The following GRM1 variants were observed in gnomAD, a reference collection of about 807,000 sequenced individuals.
GRM1 encodes glutamate metabotropic receptor 1, also known as metabotropic glutamate receptor 1.
A neutral mutation model predicts 90.9 loss-of-function variants in GRM1; 33 were observed. The ratio of observed to expected loss-of-function variants is 0.36; its 90% CI spans 0.28 to 0.49. GRM1 has a LOEUF of 0.49. Ranked by LOEUF, GRM1 falls within the 20% of genes least tolerant of loss-of-function variation. GRM1 has a pLI of 0.99. For synonymous variants in GRM1, 700 were observed against 613.2 expected, an observed-to-expected ratio of 1.14 and a Z score of -2.09; for missense variants, 1,190 against 1,534.3, an observed-to-expected ratio of 0.78 and a Z score of 3.75.
intron 1 of GRM1, among the ~76,000 whole-genome samples, chr6:146,152,887 A>C (rs182617195): frequency 6.6e-6 from 1 of 152,316 alleles, no homozygotes; most frequent in Non-Finnish European, 1.5e-5. Flanking sequence ...GTTTTATTAT[A>C]GGTCACTTTT....
chr6:146,411,398 A>C (rs1272110332), intron 7 of GRM1, among the ~76,000 whole-genome samples: 1 of 151,980 alleles, frequency 6.6e-6, no homozygotes, highest in African/African-American at 2.4e-5. Flanking sequence ...AGGAAGTAAG[A>C]AGGAAAACAG....
At chr6:146,401,425 G>A (rs1777155256) in intron 7 of GRM1, among the ~76,000 whole-genome samples, 1 of 151,814 alleles carries the variant, frequency 6.6e-6, no homozygotes, top group Non-Finnish European at 1.5e-5. Context: ...GCCACGAAAT[G>A]GGAAAAAATA....
chr6:146,213,729 T>C (rs73783643), intron 2 of GRM1, among the ~76,000 whole-genome samples: 1 of 151,798 alleles, frequency 6.6e-6, no homozygotes, highest in Admixed American at 6.6e-5. Flanking sequence ...GATAGATAGA[T>C]AGATAGATGG....
At chr6:146,032,810 C>A (rs949913682) in intron 1 of GRM1, among the ~76,000 whole-genome samples, 1 of 152,096 alleles carries the variant, frequency 6.6e-6, no homozygotes, top group African/African-American at 2.4e-5. Flanking sequence ...TAGTTAATAC[C>A]AAAAGCACTA....
At chr6:146,338,706 C>T (rs973410600) in intron 3 of GRM1, among the ~76,000 whole-genome samples, 5 of 152,156 alleles carry the variant, frequency 3.3e-5, no homozygotes, top group African/African-American at 9.7e-5. Context: ...TGTTATTATT[C>T]CCTGGCTTCC....
At chr6:146,428,741 C>G (rs1282936685) in intron 7 of GRM1, among the ~76,000 whole-genome samples, 1 of 152,042 alleles carries the variant, frequency 6.6e-6, no homozygotes, top group Admixed American at 6.6e-5. Flanking sequence ...CTTAAATAGA[C>G]TTTGGTAGGA....
chr6:146,380,317 C>A (rs576447929), intron 5 of GRM1, among the ~76,000 whole-genome samples: 2 of 151,856 alleles, frequency 1.3e-5, no homozygotes, highest in Admixed American at 1.3e-4. Context: ...GCACTCAAAC[C>A]ACAAGATGCA....
intron 1 of GRM1, among the ~76,000 whole-genome samples, chr6:146,097,195 C>T (rs1000405784): frequency 6.6e-6 from 1 of 151,984 alleles, no homozygotes; most frequent in Non-Finnish European, 1.5e-5. Context: ...GGGGGGTTTC[C>T]AAAGTAAATT....
rs1379161781 is a variant in GRM1 at position 146,294,042 on chromosome 6, GT to G, written c.951-10565del. ...TCAGAGGATTGAATATTTCATTAAT[GT>G]TTTCTAAGAACCAAGTTTTAGGTTG... On this transcript the variant is annotated intron_variant, in intron 2 of 7. Coordinates refer to ENST00000282753, the MANE Select transcript of GRM1 (RefSeq NM_001278064.2). Among the ~76,000 whole-genome samples the G allele has an allele frequency of 1.7e-4, 26 of 151,488 alleles. 1 individual carries two copies. The highest frequency in any genetic ancestry group is 1.7e-3 in the Admixed American group (26 of 15,224).
intron 1 of GRM1, among the ~76,000 whole-genome samples, chr6:146,045,847 A>T (rs1431125101): frequency 1.3e-5 from 2 of 150,540 alleles, no homozygotes; most frequent in Non-Finnish European, 3.0e-5. Context: ...CTTTTTAATC[A>T]TTGAAGGAAA....
chr6:146,116,385 G>C (rs1275999880), intron 1 of GRM1, among the ~76,000 whole-genome samples: 1 of 152,092 alleles, frequency 6.6e-6, no homozygotes, highest in African/African-American at 2.4e-5. Flanking sequence ...TCAGTAAACA[G>C]TTACAACACT....
At chr6:146,059,947 TG>T (rs2128853225) in intron 1 of GRM1, among the ~76,000 whole-genome samples, 1 of 152,304 alleles carries the variant, frequency 6.6e-6, no homozygotes, top group African/African-American at 2.4e-5. Context: ...ATGTTGTGAA[TG>T]GTTTGATCCT....
chr6:146,043,313 C>A (rs2128842571), intron 1 of GRM1, among the ~76,000 whole-genome samples: 1 of 151,878 alleles, frequency 6.6e-6, no homozygotes, highest in Middle Eastern at 3.4e-3. Context: ...AATTAGGTTT[C>A]CAGAATATTA....
At chr6:146,290,243 C>G (rs1280049173) in intron 2 of GRM1, among the ~76,000 whole-genome samples, 1 of 151,962 alleles carries the variant, frequency 6.6e-6, no homozygotes, top group African/African-American at 2.4e-5. Context: ...CCAGAGAAAC[C>G]AAAAATAGAG....
chr6:146,310,282 C>A (rs1277284831), intron 3 of GRM1, among the ~76,000 whole-genome samples: 2 of 152,172 alleles, frequency 1.3e-5, no homozygotes, highest in African/African-American at 4.8e-5. Flanking sequence ...ATTTTATGGA[C>A]TCCACTTGGA....
intron 1 of GRM1, among the ~76,000 whole-genome samples, chr6:146,069,183 C>T (rs1254634657): frequency 6.6e-6 from 1 of 152,122 alleles, no homozygotes; most frequent in African/African-American, 2.4e-5. Flanking sequence ...CATTCTATTG[C>T]TTTTTATGTT....
At chr6:146,152,610 A>C (rs1238413461) in intron 1 of GRM1, among the ~76,000 whole-genome samples, 1 of 152,028 alleles carries the variant, frequency 6.6e-6, no homozygotes, top group Non-Finnish European at 1.5e-5. Context: ...CTCACTTGTA[A>C]AAGAGGGGTT....
Position 146,352,036 on chromosome 6 carries a change from T to A in GRM1, c.1187-214T>A, listed in dbSNP as rs543308543. Reference sequence around the variant, plus strand: ...TGTTTTATATCTCATAAAACCATTATCGAATAGAGAGAATAAAACTGAATA... The same window carrying A: ...TGTTTTATATCTCATAAAACCATTAACGAATAGAGAGAATAAAACTGAATA... On this transcript the variant is annotated intron_variant, in intron 3 of 7. Coordinates refer to ENST00000282753, the MANE Select transcript of GRM1 (RefSeq NM_001278064.2). 2.6e-5 allele frequency among the ~76,000 whole-genome samples: 4 copies of A among 152,318 alleles called. No homozygotes were observed. In the South Asian group the frequency reaches 8.3e-4, roughly 32 times the overall value.
At chr6:146,278,546 C>A (rs1257579733) in intron 2 of GRM1, among the ~76,000 whole-genome samples, 6 of 152,102 alleles carry the variant, frequency 3.9e-5, no homozygotes, top group Admixed American at 3.9e-4. Context: ...GAAGCCAAGG[C>A]GGGCGGATCA....
Sources: allele counts gnomAD v4.1 joint callset (sites outside exome capture counted in the v4.1 genomes callset), GRCh38; gene constraint gnomAD v4.1.1; transcripts MANE v1.5; gene names NCBI Gene and HGNC (gene_info 2026-07-23, HGNC 2026-07-21).